The following DOCK1 variants were observed in gnomAD, a reference collection of about 807,000 sequenced individuals.
The protein encoded by DOCK1 is dedicator of cytokinesis protein 1.
DOCK1 carries 138 observed loss-of-function variants against 262.7 expected under a neutral mutation model. The observed-to-expected ratio is 0.53, with a 90% confidence interval of 0.46 to 0.61. The LOEUF is 0.61. Ranked by LOEUF, DOCK1 falls within the 20% of genes least tolerant of loss-of-function variation. The probability of loss-of-function intolerance (pLI) is 0.00; values close to 1 mark genes in which losing one functional copy is unlikely to be tolerated. For synonymous variants in DOCK1, 866 were observed against 867.4 expected (o/e 1.00, Z 0.03); for missense variants, 1,908 against 2,370.7 (o/e 0.80, Z 4.05).
At chr10:127,217,515 T>C (rs1196341919) in intron 27 of DOCK1, among the ~76,000 whole-genome samples, 1 of 152,184 alleles carries the variant, frequency 6.6e-6, no homozygotes, top group Non-Finnish European at 1.5e-5. Flanking sequence ...AGCAAAAACA[T>C]ATCTTTATTT....
intron 29 of DOCK1, among the ~76,000 whole-genome samples, chr10:127,326,415 A>C (rs1421560172): frequency 2.0e-5 from 3 of 152,254 alleles, no homozygotes; most frequent in African/African-American, 7.2e-5. Flanking sequence ...CCAGGAGTAG[A>C]TTCATCTCAA....
intron 23 of DOCK1, among the ~76,000 whole-genome samples, chr10:127,094,045 TA>T (rs2047750882): frequency 6.6e-6 from 1 of 152,068 alleles, no homozygotes; most frequent in Non-Finnish European, 1.5e-5. Flanking sequence ...ACATTATTCC[TA>T]AAGTTCCTAC....
chr10:127,063,947 C>T (rs1181179485), intron 23 of DOCK1, among the ~76,000 whole-genome samples: 1 of 152,130 alleles, frequency 6.6e-6, no homozygotes, highest in African/African-American at 2.4e-5. Flanking sequence ...ATGTCACCTC[C>T]CTTCTGGTAA....
At chr10:127,278,890 A>G (rs561542042) in intron 29 of DOCK1, among the ~76,000 whole-genome samples, 2 of 152,294 alleles carry the variant, frequency 1.3e-5, no homozygotes, top group Non-Finnish European at 2.9e-5. Context: ...GGCAAAAATT[A>G]ATACCTGCAC....
chr10:126,965,507 G>T (rs2037603115), intron 1 of DOCK1, among the ~76,000 whole-genome samples: 1 of 152,150 alleles, frequency 6.6e-6, no homozygotes, highest in Non-Finnish European at 1.5e-5. Flanking sequence ...TCACCGAGGG[G>T]TGATGAAGTC....
intron 19 of DOCK1, among the ~76,000 whole-genome samples, chr10:127,038,711 C>T (rs984471540): frequency 6.6e-6 from 1 of 150,570 alleles, no homozygotes; most frequent in Admixed American, 6.7e-5. Context: ...GCATCTTTAT[C>T]TGTGAGAGAG....
At chr10:126,948,571 G>A (rs904739915) in intron 1 of DOCK1, among the ~76,000 whole-genome samples, 4 of 151,886 alleles carry the variant, frequency 2.6e-5, no homozygotes, top group African/African-American at 9.7e-5. Context: ...GTCGGGATAG[G>A]CACCCTGAAA....
intron 31 of DOCK1, among the ~76,000 whole-genome samples, chr10:127,353,386 G>A (rs2063981579): frequency 6.6e-6 from 1 of 152,198 alleles, no homozygotes. Context: ...TTCAGGTCGT[G>A]TGTTTCCTGG....
intron 47 of DOCK1, among the ~76,000 whole-genome samples, chr10:127,427,816 T>A (rs973621251): frequency 6.6e-6 from 1 of 152,254 alleles, no homozygotes; most frequent in African/African-American, 2.4e-5. Flanking sequence ...TGACCGAACC[T>A]TGGTGCCTCC....
At chr10:127,222,628 T>TTGTGTTGTG in intron 27 of DOCK1, among the ~76,000 whole-genome samples, 1 of 145,648 alleles carries the variant, frequency 6.9e-6, no homozygotes, top group East Asian at 2.1e-4. Context: ...GTGTTTTTGT[T>TTGTGTTGTG]TTGTGTTGTG....
intron 4 of DOCK1, among the ~76,000 whole-genome samples, chr10:126,982,318 T>G (rs1404772758): frequency 6.6e-6 from 1 of 152,178 alleles, no homozygotes; most frequent in Non-Finnish European, 1.5e-5. Context: ...AGTCCCCTTT[T>G]TTTTGGGAAG....
chr10:127,284,818 T>C (rs893303158), intron 29 of DOCK1, among the ~76,000 whole-genome samples: 2 of 152,202 alleles, frequency 1.3e-5, no homozygotes, highest in African/African-American at 4.8e-5. Context: ...TTAATTACCA[T>C]TTCTTTATGG....
At chr10:127,296,550 G>A (rs775640780) in intron 29 of DOCK1, among the ~76,000 whole-genome samples, 8 of 152,204 alleles carry the variant, frequency 5.3e-5, no homozygotes, top group South Asian at 4.1e-4. Flanking sequence ...GCAAGATGCC[G>A]TCGAGGCTCT....
chr10:126,991,705 T>C (rs1221830266), intron 6 of DOCK1, among the ~76,000 whole-genome samples: 1 of 152,016 alleles, frequency 6.6e-6, no homozygotes, highest in East Asian at 1.9e-4. Context: ...AATTTTGTAT[T>C]TTTAGTAGAG....
At chr10:127,102,451 C>T (rs769826252) in intron 23 of DOCK1, among the ~76,000 whole-genome samples, 1 of 152,208 alleles carries the variant, frequency 6.6e-6, no homozygotes, top group Non-Finnish European at 1.5e-5. Flanking sequence ...AGAGTTGAGA[C>T]ACCAGCCTGC....
intron 13 of DOCK1, among the ~76,000 whole-genome samples, chr10:127,020,349 G>A (rs2042323264): frequency 6.6e-6 from 1 of 152,124 alleles, no homozygotes; most frequent in South Asian, 2.1e-4. Flanking sequence ...AAACTCAGAA[G>A]CTTCCAGTTC....
intron 13 of DOCK1, among the ~76,000 whole-genome samples, chr10:127,021,200 C>T (rs552629020): frequency 6.6e-6 from 1 of 152,152 alleles, no homozygotes; most frequent in South Asian, 2.1e-4. Context: ...GAGTTTCGCC[C>T]TGTCACCCGG....
At chr10:126,909,030 C>G (rs557137992) in intron 1 of DOCK1, among the ~76,000 whole-genome samples, 1 of 152,252 alleles carries the variant, frequency 6.6e-6, no homozygotes, top group East Asian at 1.9e-4. Flanking sequence ...TGTTACATGG[C>G]AAAAGGGACT....
intron 13 of DOCK1, among the ~76,000 whole-genome samples, chr10:127,019,671 C>G (rs538472096): frequency 6.6e-6 from 1 of 152,288 alleles, no homozygotes; most frequent in East Asian, 1.9e-4. Context: ...ATCACTTGAA[C>G]CTGGGAGGCA....
Sources: allele counts gnomAD v4.1 joint callset (sites outside exome capture counted in the v4.1 genomes callset), GRCh38; gene constraint gnomAD v4.1.1; transcripts MANE v1.5; gene names NCBI Gene and HGNC (gene_info 2026-07-23, HGNC 2026-07-21).